The following CACNB4 variants were observed in gnomAD, a reference collection of about 807,000 sequenced individuals.
The protein encoded by CACNB4 is calcium voltage-gated channel auxiliary subunit beta 4, also known as voltage-dependent L-type calcium channel subunit beta-4.
CACNB4 carries 32 observed loss-of-function variants against 71.2 expected under a neutral mutation model. The ratio of observed to expected loss-of-function variants is 0.45; its 90% CI spans 0.34 to 0.60. CACNB4 has a LOEUF of 0.60. CACNB4 is among the 20% of genes least tolerant of loss of function. The probability of loss-of-function intolerance (pLI) is 0.01; values close to 1 mark genes in which losing one functional copy is unlikely to be tolerated. For synonymous variants in CACNB4, 231 were observed against 236.9 expected, an observed-to-expected ratio of 0.97 and a Z score of 0.23; for missense variants, 464 against 647.9, an observed-to-expected ratio of 0.72 and a Z score of 3.08.
At chr2:151,868,677 C>G (rs186143140) in intron 9 of CACNB4, 1 of 151,964 alleles carries the variant, frequency 6.6e-6, no homozygotes, top group Admixed American at 6.6e-5. Context: ...GTACTATTCC[C>G]TACAAAATGA....
At chr2:151,891,436 CA>C (rs922986394) in intron 2 of CACNB4, among the ~76,000 whole-genome samples, 35 of 152,116 alleles carry the variant, frequency 2.3e-4, no homozygotes, top group South Asian at 2.1e-4. Flanking sequence ...ATGATGGTAG[CA>C]AGAGGGTAGA....
At chr2:151,908,438 G>A (rs2099855327) in intron 2 of CACNB4, among the ~76,000 whole-genome samples, 1 of 152,224 alleles carries the variant, frequency 6.6e-6, no homozygotes, top group South Asian at 2.1e-4. Context: ...CAGGGTACCT[G>A]AACAGGTGCT....
At chr2:152,026,576 G>A (rs1001235714) in intron 2 of CACNB4, among the ~76,000 whole-genome samples, 3 of 152,118 alleles carry the variant, frequency 2.0e-5, no homozygotes, top group Non-Finnish European at 4.4e-5. Context: ...GCAGAGATGA[G>A]GTTTCTCCAT....
chr2:152,013,907 G>A (rs184315426), intron 2 of CACNB4, among the ~76,000 whole-genome samples: 4 of 152,302 alleles, frequency 2.6e-5, no homozygotes, highest in Admixed American at 1.3e-4. Flanking sequence ...GAGCCAACAC[G>A]GCTCTTTCAC....
intron 9 of CACNB4, among the ~76,000 whole-genome samples, chr2:151,862,578 C>T (rs1252686432): frequency 1.4e-4 from 21 of 152,202 alleles, no homozygotes; most frequent in Admixed American, 1.4e-3. Flanking sequence ...TGGGCTCCAG[C>T]TTCACTATCC....
intron 2 of CACNB4, among the ~76,000 whole-genome samples, chr2:152,093,282 AT>A (rs1285301367): frequency 6.6e-6 from 1 of 152,154 alleles, no homozygotes; most frequent in Non-Finnish European, 1.5e-5. Flanking sequence ...AATTTATCAA[AT>A]ACTTTTTTGG....
At chr2:152,008,104 CTT>C (rs1214771377) in intron 2 of CACNB4, among the ~76,000 whole-genome samples, 2 of 151,964 alleles carry the variant, frequency 1.3e-5, no homozygotes, top group Non-Finnish European at 2.9e-5. Context: ...CTCCTGTACT[CTT>C]TTCCACAGTG....
chr2:152,059,209 CT>C (rs746136668), intron 2 of CACNB4, among the ~76,000 whole-genome samples: 17 of 152,240 alleles, frequency 1.1e-4, no homozygotes, highest in Non-Finnish European at 2.4e-4. Flanking sequence ...CACTGGGGCA[CT>C]GCATAGTGGA....
At chr2:151,885,073 C>T (rs972578460) in intron 2 of CACNB4, among the ~76,000 whole-genome samples, 1 of 152,222 alleles carries the variant, frequency 6.6e-6, no homozygotes, top group African/African-American at 2.4e-5. Context: ...TAGAGGCCAT[C>T]ATTCTAGCAA....
chr2:152,055,553 C>T (rs796636868), intron 2 of CACNB4, among the ~76,000 whole-genome samples: 8 of 152,276 alleles, frequency 5.3e-5, no homozygotes, highest in African/African-American at 1.9e-4. Context: ...GACCACACAG[C>T]CCACAGGCAA....
At chr2:152,060,244 T>C (rs982479545) in intron 2 of CACNB4, among the ~76,000 whole-genome samples, 9 of 152,244 alleles carry the variant, frequency 5.9e-5, no homozygotes, top group African/African-American at 2.2e-4. Flanking sequence ...TTTATAGCCT[T>C]TGGTGTGTAG....
rs10166241 is a variant in CACNB4, at chr2:151,876,734, G to A, written c.391-178C>T. Among the ~76,000 whole-genome samples the A allele has an allele frequency of 8.2e-3, 553 of 67,730 alleles. 32 individuals carry two copies. Among genetic ancestry groups the A allele is most frequent in the Non-Finnish European group, 0.014 (368 of 25,570 alleles). The allele number at this position is 67,730 out of a possible 152,430, so 44.4% of individuals were successfully genotyped here. ...ACTATATTTTATATACTATACTATA[G>A]ACTATATTTTATATGTATATGTGTG... On this transcript the variant is annotated intron_variant, in intron 4 of 13. Transcript: ENST00000539935.
At chr2:151,993,627 C>G (rs894681367) in intron 2 of CACNB4, among the ~76,000 whole-genome samples, 2 of 147,554 alleles carry the variant, frequency 1.4e-5, no homozygotes, top group Non-Finnish European at 3.0e-5. Flanking sequence ...TGCAGTAGCA[C>G]AATCTTGGCC....
chr2:152,075,860 G>T (rs985110719), intron 2 of CACNB4, among the ~76,000 whole-genome samples: 9 of 152,282 alleles, frequency 5.9e-5, no homozygotes, highest in African/African-American at 1.7e-4. Flanking sequence ...AGTCAGTGCT[G>T]CCCACAGTCT....
intron 12 of CACNB4, among the ~76,000 whole-genome samples, chr2:151,848,133 A>C (rs761043010): frequency 8.3e-4 from 127 of 152,170 alleles, no homozygotes; most frequent in Non-Finnish European, 1.5e-3. Flanking sequence ...GCCTACAGAA[A>C]AGGTATCCCA....
intron 2 of CACNB4, among the ~76,000 whole-genome samples, chr2:152,095,847 T>G (rs1419986715): frequency 1.3e-5 from 2 of 151,612 alleles, no homozygotes; most frequent in African/African-American, 4.8e-5. Context: ...ACAGTCGGGG[T>G]TTCACCATGC....
chr2:151,980,570 C>T (rs1348295369), intron 2 of CACNB4, among the ~76,000 whole-genome samples: 3 of 152,248 alleles, frequency 2.0e-5, no homozygotes, highest in Non-Finnish European at 2.9e-5. Flanking sequence ...CTGCCTAGCA[C>T]ATAGGCTTTC....
intron 2 of CACNB4, among the ~76,000 whole-genome samples, chr2:151,947,662 G>A (rs1451898235): frequency 6.6e-6 from 1 of 152,114 alleles, no homozygotes; most frequent in African/African-American, 2.4e-5. Flanking sequence ...AAAAAGCTGC[G>A]AGGTCGTCCG....
At chr2:151,923,092 C>G (rs1476041171) in intron 2 of CACNB4, among the ~76,000 whole-genome samples, 1 of 152,306 alleles carries the variant, frequency 6.6e-6, no homozygotes, top group East Asian at 1.9e-4. Context: ...CAGGTGGAAC[C>G]ATGGTGAAAT....
Sources: gnomAD v4.1 joint callset for allele counts (sites outside exome capture counted in the v4.1 genomes callset) on GRCh38, gnomAD v4.1.1 for gene constraint, MANE v1.5 for transcripts, NCBI Gene and HGNC (gene_info 2026-07-23, HGNC 2026-07-21) for gene names.